The following KATNAL1 variants were observed in gnomAD, a reference collection of about 807,000 sequenced individuals.
KATNAL1 encodes the protein katanin catalytic subunit A1 like 1.
KATNAL1 carries 32 observed loss-of-function variants against 55.2 expected under a neutral mutation model. The observed-to-expected ratio is 0.58, with a 90% CI of 0.44 to 0.78. The LOEUF (loss-of-function observed/expected upper bound fraction) is 0.78. Ranked by LOEUF, KATNAL1 falls within the 30% of genes least tolerant of loss-of-function variation. KATNAL1 has a pLI of 0.00. For missense variants in KATNAL1, 466 were observed against 600.9 expected, an observed-to-expected ratio of 0.78 and a Z score of 2.35; for synonymous variants, 193 against 193.6, an observed-to-expected ratio of 1.00 and a Z score of 0.02.
At chr13:30,218,524 C>T (rs1396107023) in intron 9 of KATNAL1, among the ~76,000 whole-genome samples, 1 of 152,168 alleles carries the variant, frequency 6.6e-6, no homozygotes, top group Admixed American at 6.5e-5. Flanking sequence ...ATCCCACACC[C>T]ATTTCTACAA....
intron 4 of KATNAL1, among the ~76,000 whole-genome samples, chr13:30,245,017 TA>T (rs560092866): frequency 1.6e-3 from 217 of 137,850 alleles, no homozygotes; most frequent in Admixed American, 1.8e-3. Flanking sequence ...TCCAAACAAT[TA>T]AAAAAAAAAA....
intron 4 of KATNAL1, among the ~76,000 whole-genome samples, chr13:30,252,624 C>T (rs7331369): frequency 0.035 from 5,273 of 152,220 alleles, 103 homozygotes; most frequent in African/African-American, 0.051. Context: ...TTCTGTTCTA[C>T]TCTGCTTCAA....
chr13:30,256,197 T>C (rs1878767610), intron 3 of KATNAL1, among the ~76,000 whole-genome samples: 1 of 152,222 alleles, frequency 6.6e-6, no homozygotes. Context: ...GTTTTGAGAA[T>C]GTCTAAAAAT....
At chr13:30,225,679 C>CAT (rs1875398360) in intron 9 of KATNAL1, among the ~76,000 whole-genome samples, 1 of 139,736 alleles carries the variant, frequency 7.2e-6, no homozygotes, top group Non-Finnish European at 1.6e-5. Context: ...CACACACACA[C>CAT]ACACACAAAT....
chr13:30,303,619 T>G, intron 1 of KATNAL1, among the ~76,000 whole-genome samples: 1 of 152,312 alleles, frequency 6.6e-6, no homozygotes, highest in Non-Finnish European at 1.5e-5. Context: ...ATAAACATAT[T>G]TTCATTTACA....
chr13:30,239,347 T>C (rs1877017295), intron 6 of KATNAL1, among the ~76,000 whole-genome samples: 1 of 152,018 alleles, frequency 6.6e-6, no homozygotes, highest in South Asian at 2.1e-4. Flanking sequence ...GAGGCAGAGG[T>C]TGCAGTGAGC....
At chr13:30,231,698 A>C (rs1441724919) in intron 6 of KATNAL1, among the ~76,000 whole-genome samples, 3 of 152,158 alleles carry the variant, frequency 2.0e-5, no homozygotes, top group African/African-American at 7.2e-5. Flanking sequence ...TAACCTAACA[A>C]AAAGACTAGA....
chr13:30,262,127 A>C (rs1434282435), intron 3 of KATNAL1, among the ~76,000 whole-genome samples: 1 of 151,882 alleles, frequency 6.6e-6, no homozygotes, highest in Non-Finnish European at 1.5e-5. Context: ...TACTGGGTAC[A>C]TAACGAAATG....
rs1229863082 is a variant in KATNAL1 at position 30,206,430 on chromosome 13, C to T, written c.*2110G>A. 1.3e-5 allele frequency: 2 copies of T among 152,090 alleles called. No individual in the cohort carries two copies. Among genetic ancestry groups the T allele is most frequent in the African/African-American group, 4.8e-5 (2 of 41,432 alleles). The allele number at this position is 152,090 out of a possible 1,614,324, so 9.4% of individuals were successfully genotyped here. A position where few individuals can be genotyped will look rare whatever the true frequency, so the allele number is the denominator to read the frequency against. Reference sequence around the variant, plus strand: ...TGAGAAACAAGGGAAATAAAAAGCACACCTGACTCACTTAACATAGTAAAG... The same window carrying T: ...TGAGAAACAAGGGAAATAAAAAGCATACCTGACTCACTTAACATAGTAAAG... On this transcript the variant is annotated 3_prime_UTR_variant, in exon 11 of 11. Coordinates refer to ENST00000380615, the MANE Select transcript of KATNAL1 (RefSeq NM_032116.5).
At chr13:30,251,822 G>A (rs1346498272) in intron 4 of KATNAL1, among the ~76,000 whole-genome samples, 1 of 152,128 alleles carries the variant, frequency 6.6e-6, no homozygotes, top group East Asian at 1.9e-4. Context: ...ATAAAGATGT[G>A]TCCAATAAAC....
intron 9 of KATNAL1, among the ~76,000 whole-genome samples, chr13:30,224,312 C>T (rs1212632351): frequency 6.6e-6 from 1 of 152,030 alleles, no homozygotes. Context: ...GGGAGGATTG[C>T]TTGAGGCCAG....
intron 6 of KATNAL1, among the ~76,000 whole-genome samples, chr13:30,238,775 G>A (rs1876950429): frequency 6.6e-6 from 1 of 152,144 alleles, no homozygotes; most frequent in Admixed American, 6.5e-5. Flanking sequence ...TCATAGCTCA[G>A]GGACTATGTC....
At position 30,229,723 on chromosome 13, in the gene KATNAL1, C is replaced by CA. The variant is rs542284780; in HGVS notation, c.1012+744dup. Among the ~76,000 whole-genome samples, 238 of 149,718 alleles carry CA rather than the reference C, an allele frequency of 1.6e-3. 1 individual carries two copies. The highest frequency in any genetic ancestry group is 5.3e-3 in the African/African-American group (212 of 39,886). On this transcript the variant is annotated intron_variant, in intron 8 of 10. Transcript: ENST00000380615. ...ACACAGCAAGACTCTGAACCTTAAA[C>CA]AAAAAAAATTATTGAGAACCCCAAA...
intron 3 of KATNAL1, among the ~76,000 whole-genome samples, chr13:30,265,877 T>C (rs1223461397): frequency 6.6e-6 from 1 of 151,258 alleles, no homozygotes; most frequent in Non-Finnish European, 1.5e-5. Context: ...CCAGGCATGG[T>C]GGCACGTGCC....
intron 1 of KATNAL1, among the ~76,000 whole-genome samples, chr13:30,302,659 A>G (rs1882930502): frequency 6.6e-6 from 1 of 152,230 alleles, no homozygotes; most frequent in South Asian, 2.1e-4. Context: ...AGCTAAGAAA[A>G]TAAGAAATAA....
At chr13:30,261,665 A>G (rs918171246) in intron 3 of KATNAL1, among the ~76,000 whole-genome samples, 1 of 152,228 alleles carries the variant, frequency 6.6e-6, no homozygotes, top group Non-Finnish European at 1.5e-5. Flanking sequence ...AAGAACAGCT[A>G]ACTATCCTAA....
Position 30,206,554 on chromosome 13 carries a change from A to G in KATNAL1, c.*1986T>C, listed in dbSNP as rs1291843117. The G allele has an allele frequency of 6.6e-6, 1 of 152,162 alleles. No individual in the cohort carries two copies. Among genetic ancestry groups the G allele is most frequent in the Non-Finnish European group, 1.5e-5 (1 of 68,018 alleles). 9.4% of individuals were successfully genotyped at this position (152,162 alleles called of 1,614,324 possible). A position where few individuals can be genotyped will look rare whatever the true frequency, so the allele number is the denominator to read the frequency against. On this transcript the variant is annotated 3_prime_UTR_variant, in exon 11 of 11. Transcript: ENST00000380615. ...TATCCATGAAGAATTCAGAAAAATA[A>G]TTAAATGCACACCAAGATAATCAAT...
At chr13:30,240,224 T>A (rs1037151934) in intron 6 of KATNAL1, among the ~76,000 whole-genome samples, 1 of 152,190 alleles carries the variant, frequency 6.6e-6, no homozygotes, top group African/African-American at 2.4e-5. Flanking sequence ...TAGCTCAGCA[T>A]CCCTGAGTGA....
chr13:30,250,779 C>T (rs1878221879), intron 4 of KATNAL1, among the ~76,000 whole-genome samples: 1 of 152,196 alleles, frequency 6.6e-6, no homozygotes, highest in Non-Finnish European at 1.5e-5. Context: ...GCATATATAG[C>T]TTTAATCATG....
Sources: allele counts gnomAD v4.1 joint callset (sites outside exome capture counted in the v4.1 genomes callset), GRCh38; gene constraint gnomAD v4.1.1; transcripts MANE v1.5; gene names NCBI Gene and HGNC (gene_info 2026-07-23, HGNC 2026-07-21).